Variants in EDIL3 observed in about 807,000 individuals in gnomAD.
EDIL3 encodes EGF like and discoidin domains 3, also known as EGF-like repeat and discoidin I-like domain-containing protein 3.
EDIL3 carries 37 observed loss-of-function variants against 67.4 expected under a neutral mutation model. The observed-to-expected ratio is 0.55, with a 90% CI of 0.42 to 0.72. EDIL3 has a LOEUF of 0.72. Ranked by LOEUF, EDIL3 falls within the 30% of genes least tolerant of loss-of-function variation. EDIL3 has a pLI of 0.00. For missense variants in EDIL3, 527 were observed against 586.3 expected (o/e 0.90, Z 1.04); for synonymous variants, 195 against 196.3 (o/e 0.99, Z 0.05).
chr5:83,955,043 T>C (rs889246189), intron 10 of EDIL3, among the ~76,000 whole-genome samples: 2 of 151,792 alleles, frequency 1.3e-5, no homozygotes, highest in African/African-American at 4.8e-5. Context: ...AGAGTCACAG[T>C]TGGGCTAACA....
rs539998739 is a variant in EDIL3 at position 83,942,726 on chromosome 5, A to G, written c.*693T>C. On this transcript the variant is annotated 3_prime_UTR_variant, in exon 11 of 11. Transcript: ENST00000296591. ...TGTTCTACATATATGAGTAAACATGACACTTCTTTTAGTCAACTAATAGGA... is the reference window on the plus strand; with the variant it reads ...TGTTCTACATATATGAGTAAACATGGCACTTCTTTTAGTCAACTAATAGGA... The G allele has an allele frequency of 6.6e-6, 1 of 152,170 alleles. No individual in the cohort carries two copies. The highest frequency in any genetic ancestry group is 6.6e-5 in the Admixed American group (1 of 15,266). 9.4% of individuals were successfully genotyped at this position (152,170 alleles called of 1,614,324 possible). A position where few individuals can be genotyped will look rare whatever the true frequency, so the allele number is the denominator to read the frequency against.
intron 9 of EDIL3, among the ~76,000 whole-genome samples, chr5:84,007,785 C>T (rs1348243450): frequency 6.6e-6 from 1 of 151,912 alleles, no homozygotes; most frequent in African/African-American, 2.4e-5. Context: ...TGTATACATA[C>T]CAAAAATAAA....
intron 10 of EDIL3, among the ~76,000 whole-genome samples, chr5:83,956,257 G>A (rs1008844326): frequency 1.3e-5 from 2 of 151,690 alleles, no homozygotes; most frequent in East Asian, 2.0e-4. Context: ...CATCTTAGTT[G>A]TTCTTGGATC....
chr5:84,007,962 C>T (rs1457898830), intron 9 of EDIL3, among the ~76,000 whole-genome samples: 2 of 152,162 alleles, frequency 1.3e-5, no homozygotes, highest in South Asian at 2.1e-4. Context: ...AAAATGGATA[C>T]CCTGTCATTT....
chr5:84,285,144 T>A (rs1745784929), intron 1 of EDIL3, among the ~76,000 whole-genome samples: 1 of 152,192 alleles, frequency 6.6e-6, no homozygotes, highest in African/African-American at 2.4e-5. Flanking sequence ...CTTGAATAAG[T>A]GGGCCCCTTT....
intron 1 of EDIL3, among the ~76,000 whole-genome samples, chr5:84,289,815 G>A (rs1745879348): frequency 6.6e-6 from 1 of 151,970 alleles, no homozygotes; most frequent in Non-Finnish European, 1.5e-5. Context: ...TTTCTAATAA[G>A]GTCAGATACT....
intron 10 of EDIL3, among the ~76,000 whole-genome samples, chr5:83,961,174 G>T (rs940569156): frequency 3.3e-5 from 5 of 150,896 alleles, no homozygotes; most frequent in Non-Finnish European, 7.4e-5. Flanking sequence ...TGATCAAAAG[G>T]ACATTAAAAA....
intron 1 of EDIL3, among the ~76,000 whole-genome samples, chr5:84,296,066 A>G (rs1394681498): frequency 6.6e-6 from 1 of 152,238 alleles, no homozygotes; most frequent in Non-Finnish European, 1.5e-5. Flanking sequence ...TGTTATAAAG[A>G]TAATTGTATA....
At chr5:84,077,876 G>C (rs1231407577) in intron 6 of EDIL3, among the ~76,000 whole-genome samples, 1 of 145,532 alleles carries the variant, frequency 6.9e-6, no homozygotes, top group Non-Finnish European at 1.5e-5. Context: ...AAATCACATA[G>C]ACACACACAC....
chr5:84,330,040 G>C (rs1334857261), intron 1 of EDIL3, among the ~76,000 whole-genome samples: 2 of 152,050 alleles, frequency 1.3e-5, no homozygotes, highest in African/African-American at 4.8e-5. Flanking sequence ...CTAAATATCT[G>C]AAGTCATTTT....
chr5:84,006,170 A>G (rs1263463824), intron 9 of EDIL3, among the ~76,000 whole-genome samples: 1 of 151,652 alleles, frequency 6.6e-6, no homozygotes, highest in Non-Finnish European at 1.5e-5. Flanking sequence ...ACAAAACACT[A>G]TTGAAGGAAG....
chr5:84,301,280 A>G (rs897506989), intron 1 of EDIL3, among the ~76,000 whole-genome samples: 3 of 76,468 alleles, frequency 3.9e-5, no homozygotes, highest in African/African-American at 1.1e-4. Flanking sequence ...AAAAAAAAAG[A>G]AAAAAAAAAA....
intron 1 of EDIL3, among the ~76,000 whole-genome samples, chr5:84,260,057 T>C (rs890023811): frequency 2.6e-5 from 4 of 152,180 alleles, no homozygotes; most frequent in Admixed American, 6.5e-5. Context: ...ATAGTTTGTG[T>C]TCAGGTTTCT....
At chr5:83,992,030 C>G (rs1169270051) in intron 9 of EDIL3, among the ~76,000 whole-genome samples, 1 of 152,144 alleles carries the variant, frequency 6.6e-6, no homozygotes, top group Non-Finnish European at 1.5e-5. Context: ...AGATATTCTT[C>G]TTAAATTCTA....
chr5:84,331,435 C>T (rs12187284), intron 1 of EDIL3, among the ~76,000 whole-genome samples: 13,239 of 152,140 alleles, frequency 0.087, 715 homozygotes, highest in South Asian at 0.2. Flanking sequence ...GGGACATTAC[C>T]CTCATGCTTT....
At position 83,941,397 on chromosome 5, in the gene EDIL3, A is replaced by AG. The variant is rs1561379721; in HGVS notation, c.*2021dup. 6.6e-6 allele frequency: 1 copy of AG among 152,082 alleles called. No homozygotes were observed. Among genetic ancestry groups the AG allele is most frequent in the Non-Finnish European group, 1.5e-5 (1 of 67,938 alleles). 9.4% of individuals were successfully genotyped at this position (152,082 alleles called of 1,614,324 possible). ...GAAAAAATTACAAAACATCATATGA[A>AG]GCTATAAATAATTTTGAAAAACTAT... is the stretch of plus-strand genomic sequence containing the variant. On this transcript the variant is annotated 3_prime_UTR_variant, in exon 11 of 11. Transcript: ENST00000296591.
chr5:84,064,913 T>A, intron 7 of EDIL3, 69 bp from the exon 8 acceptor site: 1 of 1,458,886 alleles, frequency 6.9e-7, no homozygotes, highest in Non-Finnish European at 9.1e-7. Context: ...ATTTACCCTA[T>A]CTATACCTTA....
intron 10 of EDIL3, among the ~76,000 whole-genome samples, chr5:83,959,327 T>C (rs1744568636): frequency 6.6e-6 from 1 of 150,638 alleles, no homozygotes; most frequent in Non-Finnish European, 1.5e-5. Context: ...TCGAGTTTTA[T>C]ACCACTTACT....
chr5:84,188,088 T>A (rs1260472346), intron 3 of EDIL3, among the ~76,000 whole-genome samples: 1 of 151,926 alleles, frequency 6.6e-6, no homozygotes, highest in East Asian at 1.9e-4. Context: ...CCGCCCCCCC[T>A]TAAAACCTGT....
Sources: allele counts gnomAD v4.1 joint callset (sites outside exome capture counted in the v4.1 genomes callset), GRCh38; gene constraint gnomAD v4.1.1; transcripts MANE v1.5; gene names NCBI Gene and HGNC (gene_info 2026-07-23, HGNC 2026-07-21).